LNX2: variants seen among roughly 807,000 people sequenced by gnomAD.
LNX2 encodes the protein ligand of numb-protein X 2.
In LNX2, 35 loss-of-function variants were observed where a neutral mutation model predicts 66.2. That is an observed-to-expected ratio of 0.53 (90% CI 0.40 to 0.70). The LOEUF (loss-of-function observed/expected upper bound fraction) is 0.70, where lower values mean the gene tolerates loss of function less well. Ranked by LOEUF, LNX2 falls within the 30% of genes least tolerant of loss-of-function variation. The pLI is 0.00. For synonymous variants in LNX2, 337 were observed against 315.6 expected, an observed-to-expected ratio of 1.07 and a Z score of -0.72; for missense variants, 791 against 850.8, an observed-to-expected ratio of 0.93 and a Z score of 0.87.
intron 9 of LNX2, 116 bp from the exon 10 acceptor site, chr13:27,548,586 G>T: frequency 9.1e-7 from 1 of 1,098,658 alleles, no homozygotes; most frequent in Non-Finnish European, 1.3e-6. Context: ...ACTGTCAATG[G>T]TTAGGGTGTA....
chr13:27,580,645 C>A (rs1181569505), intron 2 of LNX2, among the ~76,000 whole-genome samples: 1 of 152,108 alleles, frequency 6.6e-6, no homozygotes, highest in African/African-American at 2.4e-5. Context: ...GAACAGAAAT[C>A]CCCACTAAAT....
At chr13:27,584,349 G>T (rs1222961265) in intron 1 of LNX2, among the ~76,000 whole-genome samples, 2 of 149,262 alleles carry the variant, frequency 1.3e-5, no homozygotes, top group Non-Finnish European at 3.0e-5. Context: ...TCAGGAGTTC[G>T]AGACTAGCCT....
intron 1 of LNX2, among the ~76,000 whole-genome samples, chr13:27,584,906 T>C (rs1955465430): frequency 7.0e-6 from 1 of 142,380 alleles, no homozygotes. Flanking sequence ...TCAACTGAGG[T>C]CAGGAGTTTG....
chr13:27,608,736 A>G (rs1955743385), intron 1 of LNX2, among the ~76,000 whole-genome samples: 1 of 152,126 alleles, frequency 6.6e-6, no homozygotes, highest in Admixed American at 6.5e-5. Context: ...ATTAAGCTTT[A>G]TTGTCCAGAA....
chr13:27,545,926 G>A lies in LNX2; in HGVS notation c.*2409C>T, dbSNP rs1264213859. On this transcript the variant is annotated 3_prime_UTR_variant, in exon 10 of 10. Transcript: ENST00000316334. Reference sequence around the variant, plus strand: ...ACAACGTCACTATTACAGAAAGGATGACTTTTATTTCCATCCTGAATGATT... The same window carrying A: ...ACAACGTCACTATTACAGAAAGGATAACTTTTATTTCCATCCTGAATGATT... 6.6e-6 allele frequency: 1 copy of A among 152,100 alleles called. No homozygotes were observed. Among genetic ancestry groups the A allele is most frequent in the African/African-American group, 2.4e-5 (1 of 41,434 alleles). The allele number at this position is 152,100 out of a possible 1,614,324, so 9.4% of individuals were successfully genotyped here. A position where few individuals can be genotyped will look rare whatever the true frequency, so the allele number is the denominator to read the frequency against.
chr13:27,595,193 A>G (rs1955583364), intron 1 of LNX2, among the ~76,000 whole-genome samples: 1 of 152,174 alleles, frequency 6.6e-6, no homozygotes, highest in African/African-American at 2.4e-5. Flanking sequence ...GTATCTGCAG[A>G]ACCCCCATCC....
At chr13:27,569,380 T>TA in intron 2 of LNX2, 104 bp from the exon 3 acceptor site, 1 of 1,217,402 alleles carries the variant, frequency 8.2e-7, no homozygotes, top group Non-Finnish European at 1.2e-6. Context: ...AACCAGAAGC[T>TA]AGAAGTACCT....
Position 27,553,196 on chromosome 13 carries a change from A to AG in LNX2, c.1778+11dup, listed in dbSNP as rs1955024439. 2 of 1,608,290 alleles carry AG rather than the reference A, an allele frequency of 1.2e-6. No individual in the cohort carries two copies. Among genetic ancestry groups the AG allele is most frequent in the Middle Eastern group, 1.7e-4 (1 of 6,050 alleles). On this transcript the variant is annotated intron_variant, in intron 8 of 9. Transcript: ENST00000316334. ...TATGATTTCCATAAAGCAACAAGAA[A>AG]GCGCTCAGTACCTGGGAAGCCCAAG...
chr13:27,570,401 T>C (rs377220934), intron 2 of LNX2, among the ~76,000 whole-genome samples: 45 of 152,336 alleles, frequency 3.0e-4, no homozygotes, highest in African/African-American at 1.1e-3. Context: ...ACTATAAAAG[T>C]AATATTTTCC....
chr13:27,546,403 C>G lies in LNX2; in HGVS notation c.*1932G>C, dbSNP rs7991203. On this transcript the variant is annotated 3_prime_UTR_variant, in exon 10 of 10. Coordinates refer to ENST00000316334, the MANE Select transcript of LNX2 (RefSeq NM_153371.4). Reference sequence around the variant, plus strand: ...TTCCATGTCAATTAGAATATCAAAGCATTTCAAAATCAAACTGCTTCCAAA... The same window carrying G: ...TTCCATGTCAATTAGAATATCAAAGGATTTCAAAATCAAACTGCTTCCAAA... The G allele has an allele frequency of 3.3e-5, 5 of 152,156 alleles. No individual in the cohort carries two copies. The highest frequency in any genetic ancestry group is 7.4e-5 in the Non-Finnish European group (5 of 68,026). 9.4% of individuals were successfully genotyped at this position (152,156 alleles called of 1,614,324 possible).
chr13:27,581,203 G>T, intron 2 of LNX2, 94 bp downstream of exon 2: 3 of 954,932 alleles, frequency 3.1e-6, no homozygotes, highest in Non-Finnish European at 4.5e-6. Flanking sequence ...ACTTACTAGT[G>T]CTCTGGTTTG....
chr13:27,585,930 A>G (rs945412718), intron 1 of LNX2, among the ~76,000 whole-genome samples: 1 of 150,978 alleles, frequency 6.6e-6, no homozygotes, highest in Admixed American at 6.6e-5. Flanking sequence ...GAAGAAAATT[A>G]ACATGTTCCC....
At position 27,567,350 on chromosome 13, in the gene LNX2, A is replaced by G. The variant is rs74040812; in HGVS notation, c.855+290T>C. Among the ~76,000 whole-genome samples the G allele has an allele frequency of 3.3e-3, 506 of 152,210 alleles. 4 individuals carry two copies. The highest frequency in any genetic ancestry group is 0.012 in the African/African-American group (486 of 41,542). On this transcript the variant is annotated intron_variant, in intron 4 of 9. Transcript: ENST00000316334. ...CTTGAACAGTCATTCAAGAAGTCCA[A>G]GCAGGAAGAGGCTAGTCAGCCCAAG...
Position 27,567,673 on chromosome 13 carries a change from G to A in LNX2, c.822C>T (p.Asp274=), listed in dbSNP as rs746481419. ...TCTGGTCTCCAGCAAGAAGTCTCCC[G>A]TCTCTGGCAATGACCCCATCCCGAT... ...EVYRDGVIAR[D]GRLLAGDQIL... The change falls in exon 4 of 10, where the codon GAC becomes GAT. Residue 274 remains aspartate (D), a synonymous_variant. Transcript: ENST00000316334. The A allele has an allele frequency of 8.3e-5, 134 of 1,613,836 alleles. No homozygotes were observed. The highest frequency in any genetic ancestry group is 8.2e-4 in the Middle Eastern group (5 of 6,082).
At chr13:27,576,724 C>CCA (rs1230579982) in intron 2 of LNX2, among the ~76,000 whole-genome samples, 2 of 147,340 alleles carry the variant, frequency 1.4e-5, no homozygotes, top group African/African-American at 2.5e-5. Flanking sequence ...GATGCTATCT[C>CCA]CAGAAAAAAA....
At chr13:27,561,538 C>T (rs1955136066) in intron 5 of LNX2, among the ~76,000 whole-genome samples, 1 of 152,100 alleles carries the variant, frequency 6.6e-6, no homozygotes, top group Non-Finnish European at 1.5e-5. Flanking sequence ...GAAATTAGAC[C>T]AATATCAGAA....
At chr13:27,600,222 T>C (rs1213200714) in intron 1 of LNX2, among the ~76,000 whole-genome samples, 1 of 152,182 alleles carries the variant, frequency 6.6e-6, no homozygotes, top group Non-Finnish European at 1.5e-5. Flanking sequence ...TCACATTCTT[T>C]TGTCATATTA....
Position 27,581,781 on chromosome 13 carries a change from G to A in LNX2, c.-78C>T. On this transcript the variant is annotated 5_prime_UTR_variant, in exon 2 of 10. Coordinates refer to ENST00000316334, the MANE Select transcript of LNX2 (RefSeq NM_153371.4). ...TCCTTTAACAGACAGTGATGTATCT[G>A]ACTAAAGTCAAGGTGTGTTTTTCTA... 1 of 1,253,316 alleles carries A rather than the reference G, an allele frequency of 8.0e-7. No homozygotes were observed. The highest frequency in any genetic ancestry group is 1.1e-6 in the Non-Finnish European group (1 of 910,842). 77.6% of individuals were successfully genotyped at this position (1,253,316 alleles called of 1,614,324 possible).
chr13:27,566,812 T>A (rs1027561193), intron 4 of LNX2, among the ~76,000 whole-genome samples: 1 of 152,174 alleles, frequency 6.6e-6, no homozygotes, highest in African/African-American at 2.4e-5. Flanking sequence ...ACATTTTTTC[T>A]TGTTCATGAA....
Sources: gnomAD v4.1 joint callset for allele counts (sites outside exome capture counted in the v4.1 genomes callset) on GRCh38, gnomAD v4.1.1 for gene constraint, MANE v1.5 for transcripts, NCBI Gene and HGNC (gene_info 2026-07-23, HGNC 2026-07-21) for gene names.